ZNF469: variants seen among roughly 807,000 people sequenced by gnomAD.
ZNF469 encodes zinc finger protein 469.
ZNF469 carries 1 observed loss-of-function variant against 1.0 expected under a neutral mutation model. The observed-to-expected ratio is 1.00, with a 90% CI of 0.35 to 4.73. ZNF469 has a LOEUF of 4.73. Ranked by LOEUF, ZNF469 falls within the 30% of genes most tolerant of loss-of-function variation. The probability of loss-of-function intolerance (pLI) is 0.16; values close to 1 mark genes in which losing one functional copy is unlikely to be tolerated. For missense variants in ZNF469, 6,100 were observed against 5,356.3 expected (o/e 1.14, Z -4.33); for synonymous variants, 2,703 against 2,363.4 (o/e 1.14, Z -4.17).
At chr16:88,225,734 A>T in the ZNF469 span, among the ~76,000 whole-genome samples, 1 of 152,146 alleles carries the variant, frequency 6.6e-6, no homozygotes, top group African/African-American at 2.4e-5. Flanking sequence ...CCATCACATG[A>T]GGACACACAG....
At position 88,429,218 on chromosome 16, in the gene ZNF469, T is replaced by C; in HGVS notation, c.1748T>C (p.Val583Ala). ...ACACCCAGCCTGCCCCCACCGAGGGTAGTGGGAGCCTCCCCCAGCGAGTCC... is the reference window on the plus strand; with the variant it reads ...ACACCCAGCCTGCCCCCACCGAGGGCAGTGGGAGCCTCCCCCAGCGAGTCC... ...HGTPSLPPPR[V>A]VGASPSESPL... Residue 583 changes from valine (V) to alanine (A), a missense_variant, in exon 3 of 3, where the codon GTA becomes GCA. Val to Ala is a moderately conservative substitution (Grantham distance 64, BLOSUM62 0). Transcript: ENST00000565624. The C allele has an allele frequency of 6.5e-7, 1 of 1,549,268 alleles. No homozygotes were observed. Among genetic ancestry groups the C allele is most frequent in the Non-Finnish European group, 8.7e-7 (1 of 1,146,640 alleles).
the ZNF469 span, among the ~76,000 whole-genome samples, chr16:88,117,857 G>A: frequency 6.6e-6 from 1 of 152,256 alleles, no homozygotes; most frequent in African/African-American, 2.4e-5. Context: ...GTCGTCAGAG[G>A]CAGCTATGGC....
chr16:88,254,887 C>T, the ZNF469 span, among the ~76,000 whole-genome samples: 110 of 151,842 alleles, frequency 7.2e-4, no homozygotes, highest in African/African-American at 2.5e-3. Context: ...TTTGAGATTA[C>T]AGATAAATTT....
In ZNF469 at chr16:88,411,094, G is replaced by A. The variant is rs72805356; in HGVS notation, c.-191-13713G>A. Among the ~76,000 whole-genome samples the A allele has an allele frequency of 5.4e-3, 816 of 152,284 alleles. 6 individuals carry two copies. Among genetic ancestry groups the A allele is most frequent in the Admixed American group, 7.7e-3 (118 of 15,296 alleles). On this transcript the variant is annotated intron_variant, in intron 1 of 2. Transcript: ENST00000565624. ...CCAGGGCGACTCCTCTTAGCTAATC[G>A]CATCTGCAAAGACCCTATGTCTAGG...
chr16:88,357,331 C>A, the ZNF469 span, among the ~76,000 whole-genome samples: 2 of 152,220 alleles, frequency 1.3e-5, no homozygotes, highest in African/African-American at 4.8e-5. Flanking sequence ...CGTGGTGCCA[C>A]CTCTCCACGG....
intron 1 of ZNF469, among the ~76,000 whole-genome samples, chr16:88,397,330 A>T (rs1418980352): frequency 6.6e-6 from 1 of 152,220 alleles, no homozygotes; most frequent in Non-Finnish European, 1.5e-5. Context: ...GGGACCTGGG[A>T]CAGGGTCAGT....
the ZNF469 span, among the ~76,000 whole-genome samples, chr16:88,303,870 C>G: frequency 0.053 from 8,060 of 152,304 alleles, 329 homozygotes; most frequent in East Asian, 0.15. Context: ...AAAGCACCCA[C>G]ACAGGCCACA....
At chr16:88,237,846 A>C in the ZNF469 span, among the ~76,000 whole-genome samples, 1 of 151,620 alleles carries the variant, frequency 6.6e-6, no homozygotes, top group African/African-American at 2.4e-5. Context: ...CCCTCTGCCC[A>C]GCCCCGGCAG....
chr16:88,380,454 C>T (rs541522450), upstream of ZNF469, among the ~76,000 whole-genome samples: 1 of 133,584 alleles, frequency 7.5e-6, no homozygotes, highest in South Asian at 2.5e-4. Flanking sequence ...CACACACAGA[C>T]ATGCACACAC....
At chr16:88,380,008 G>A (rs1281580201), upstream of ZNF469, among the ~76,000 whole-genome samples, 2 of 152,046 alleles carry the variant, frequency 1.3e-5, no homozygotes, top group East Asian at 1.9e-4. Flanking sequence ...GGTGCCCCAG[G>A]GCTAGGAAAA....
intron 1 of ZNF469, among the ~76,000 whole-genome samples, chr16:88,392,285 A>T (rs1465906969): frequency 6.6e-6 from 1 of 152,226 alleles, no homozygotes; most frequent in Non-Finnish European, 1.5e-5. Flanking sequence ...GTATGCCCGC[A>T]GCTGCTGCAC....
At chr16:88,394,509 G>A (rs1599346706) in intron 1 of ZNF469, among the ~76,000 whole-genome samples, 2 of 152,206 alleles carry the variant, frequency 1.3e-5, no homozygotes, top group African/African-American at 4.8e-5. Context: ...AGTCTTTGAA[G>A]GTGCTTCCCG....
upstream of ZNF469, among the ~76,000 whole-genome samples, chr16:88,380,056 CACAT>C (rs754150946): frequency 4.1e-4 from 62 of 152,166 alleles, no homozygotes; most frequent in Non-Finnish European, 7.2e-4. Context: ...GTCACACACA[CACAT>C]ACTCACACAC....
the ZNF469 span, among the ~76,000 whole-genome samples, chr16:88,238,749 G>A: frequency 5.9e-5 from 9 of 152,366 alleles, no homozygotes; most frequent in South Asian, 2.1e-4. Flanking sequence ...GGCAGAGCCC[G>A]GAACCTGACC....
the ZNF469 span, among the ~76,000 whole-genome samples, chr16:88,217,598 C>A: frequency 9.1e-6 from 1 of 109,398 alleles, no homozygotes; most frequent in African/African-American, 3.5e-5. Context: ...CCCCTCCCCC[C>A]ACCCCACCAC....
At chr16:88,111,326 A>G in the ZNF469 span, among the ~76,000 whole-genome samples, 1 of 152,196 alleles carries the variant, frequency 6.6e-6, no homozygotes, top group South Asian at 2.1e-4. Context: ...ACAAGCATGC[A>G]AGGTGTAACA....
the ZNF469 span, chr16:88,194,234 G>A: frequency 6.6e-6 from 1 of 152,276 alleles, no homozygotes; most frequent in African/African-American, 2.4e-5. Flanking sequence ...AGGTGGCACT[G>A]CACTGCAGCA....
In ZNF469 at chr16:88,429,088, A is replaced by G. The variant is rs1270703520; in HGVS notation, c.1618A>G (p.Ser540Gly). 6.5e-7 allele frequency: 1 copy of G among 1,549,984 alleles called. No homozygotes were observed. The highest frequency in any genetic ancestry group is 8.7e-7 in the Non-Finnish European group (1 of 1,146,868). ...PREKLPAVRS[S>G]QGGSPALFTY... ...AGAGAAGCTGCCAGCCGTGAGAAGCAGCCAGGGCGGCTCCCCAGCACTGTT... is the reference window on the plus strand; with the variant it reads ...AGAGAAGCTGCCAGCCGTGAGAAGCGGCCAGGGCGGCTCCCCAGCACTGTT... The change falls in exon 3 of 3, where the codon AGC (serine) becomes GGC (glycine). Residue 540 changes from serine to glycine, a missense_variant. By Grantham distance (56) the Ser-to-Gly change is moderately conservative. Transcript: ENST00000565624.
chr16:88,247,067 G>C, the ZNF469 span, among the ~76,000 whole-genome samples: 4 of 151,038 alleles, frequency 2.6e-5, no homozygotes, highest in Admixed American at 1.3e-4. Context: ...GATTGAGTGA[G>C]TGACTGAGTG....
Sources: allele counts gnomAD v4.1 joint callset (sites outside exome capture counted in the v4.1 genomes callset), GRCh38; gene constraint gnomAD v4.1.1; transcripts MANE v1.5; gene names NCBI Gene and HGNC (gene_info 2026-07-23, HGNC 2026-07-21).